DIAPH3: variants seen among roughly 807,000 people sequenced by gnomAD.
DIAPH3 encodes diaphanous related formin 3.
In DIAPH3, 117 loss-of-function variants were observed where a neutral mutation model predicts 144.3. That is an observed-to-expected ratio of 0.81 (90% CI 0.70 to 0.95). DIAPH3 has a LOEUF of 0.95. Among genes scored for constraint, DIAPH3 ranks in the 40% least tolerant of loss-of-function variants. DIAPH3 has a pLI of 0.00. For synonymous variants in DIAPH3, 519 were observed against 488.9 expected (o/e 1.06, Z -0.81); for missense variants, 1,421 against 1,412.7 (o/e 1.01, Z -0.09).
chr13:59,680,943 T>C (rs1436525012), intron 27 of DIAPH3, among the ~76,000 whole-genome samples: 1 of 152,186 alleles, frequency 6.6e-6, no homozygotes, highest in Non-Finnish European at 1.5e-5. Context: ...ACGGAAGCAA[T>C]GTGTTCTGTA....
chr13:60,003,114 G>A (rs1299421740), intron 9 of DIAPH3, among the ~76,000 whole-genome samples: 6 of 152,126 alleles, frequency 3.9e-5, no homozygotes, highest in Non-Finnish European at 7.4e-5. Flanking sequence ...AACTGTGGCA[G>A]AAGGCTGTCT....
At chr13:59,851,165 A>C (rs1407210680) in intron 22 of DIAPH3, among the ~76,000 whole-genome samples, 1 of 152,126 alleles carries the variant, frequency 6.6e-6, no homozygotes, top group African/African-American at 2.4e-5. Context: ...GCACATCAAA[A>C]AGCTTATCCA....
chr13:59,773,124 T>C (rs2038209926), intron 27 of DIAPH3, among the ~76,000 whole-genome samples: 1 of 152,180 alleles, frequency 6.6e-6, no homozygotes, highest in Non-Finnish European at 1.5e-5. Context: ...CTCTTTTTAT[T>C]TGTATTGTTA....
At chr13:60,094,808 T>A (rs78740228) in intron 3 of DIAPH3, among the ~76,000 whole-genome samples, 5,576 of 152,296 alleles carry the variant, frequency 0.037, 136 homozygotes, top group East Asian at 0.075. Context: ...TCATTTTACC[T>A]TGATAGAAAT....
rs2067115913 is a variant in DIAPH3, at chr13:59,900,390, T to C, written c.2367+11345A>G. Among the ~76,000 whole-genome samples, 3 of 152,200 alleles carry C rather than the reference T, an allele frequency of 2.0e-5. No homozygotes were observed. The South Asian group carries it at 6.2e-4, about 31-fold the overall frequency. On this transcript the variant is annotated intron_variant, in intron 20 of 27. Coordinates refer to ENST00000400324, the MANE Select transcript of DIAPH3 (RefSeq NM_001042517.2). ...ACGTTGTCATGGCCACTAGCTTCTT[T>C]CTAAATGTCCCTGATGAATTATATA...
intron 17 of DIAPH3, among the ~76,000 whole-genome samples, chr13:59,932,550 A>T (rs1250858975): frequency 6.6e-6 from 1 of 152,186 alleles, no homozygotes; most frequent in Non-Finnish European, 1.5e-5. Context: ...AAAAAAAACA[A>T]ATACAAGCAA....
chr13:59,739,198 T>C (rs2036313705), intron 27 of DIAPH3, among the ~76,000 whole-genome samples: 1 of 152,192 alleles, frequency 6.6e-6, no homozygotes. Flanking sequence ...GTTAAGAATG[T>C]GATCCTTTAG....
intron 20 of DIAPH3, among the ~76,000 whole-genome samples, chr13:59,899,361 T>A (rs1414583322): frequency 6.6e-6 from 1 of 152,174 alleles, no homozygotes; most frequent in Non-Finnish European, 1.5e-5. Flanking sequence ...CAACTGATTA[T>A]GCAATTTCAA....
intron 27 of DIAPH3, among the ~76,000 whole-genome samples, chr13:59,688,109 TA>T (rs1182058198): frequency 1.3e-5 from 2 of 152,040 alleles, no homozygotes; most frequent in African/African-American, 4.8e-5. Context: ...CATGAGAGAT[TA>T]AAAGAAGAAG....
intron 9 of DIAPH3, among the ~76,000 whole-genome samples, chr13:59,996,170 G>T (rs1308908815): frequency 6.6e-6 from 1 of 152,022 alleles, no homozygotes; most frequent in African/African-American, 2.4e-5. Context: ...TCTACAAAGG[G>T]ATAGAGTTAC....
chr13:59,886,014 C>T (rs540195884), intron 20 of DIAPH3, among the ~76,000 whole-genome samples: 4 of 152,142 alleles, frequency 2.6e-5, no homozygotes, highest in Non-Finnish European at 5.9e-5. Context: ...TTAATACTTT[C>T]GTATGAGTGT....
At position 60,112,194 on chromosome 13, in the gene DIAPH3, G is replaced by C. The variant is rs201265889; in HGVS notation, c.214-8C>G. On this transcript the variant is annotated splice_region_variant and splice_polypyrimidine_tract_variant and intron_variant, in intron 2 of 27. Coordinates refer to ENST00000400324, the MANE Select transcript of DIAPH3 (RefSeq NM_001042517.2). ...GCTGGCAAATTTGTCCAGCTACAAA[G>C]AAAGACAGAATGACACACGTGTAAG... 2,442 of 1,613,670 alleles carry C rather than the reference G, an allele frequency of 1.5e-3. 6 individuals are homozygous for C. The highest frequency in any genetic ancestry group is 2.2e-3 in the Admixed American group (135 of 60,018).
chr13:59,742,208 G>A (rs541671595), intron 27 of DIAPH3, among the ~76,000 whole-genome samples: 28 of 152,200 alleles, frequency 1.8e-4, no homozygotes, highest in Non-Finnish European at 7.4e-5. Flanking sequence ...CCCTAGACAC[G>A]TGGGGATTAT....
intron 22 of DIAPH3, among the ~76,000 whole-genome samples, chr13:59,860,646 G>A (rs2043522780): frequency 6.6e-6 from 1 of 152,026 alleles, no homozygotes; most frequent in Non-Finnish European, 1.5e-5. Context: ...GCTGAGGCAG[G>A]AGAATGGCAT....
intron 5 of DIAPH3, 121 bp from the exon 6 acceptor site, chr13:60,016,266 A>T (rs2053642440): frequency 1.0e-5 from 9 of 876,040 alleles, no homozygotes; most frequent in South Asian, 7.7e-5. Context: ...CATAAGAATA[A>T]CACCATATAT....
At chr13:59,667,613 TA>T (rs776086573) in intron 27 of DIAPH3, among the ~76,000 whole-genome samples, 5 of 152,256 alleles carry the variant, frequency 3.3e-5, no homozygotes, top group Non-Finnish European at 5.9e-5. Flanking sequence ...ACCAGAATGT[TA>T]TATGTAATTG....
chr13:59,864,388 T>C (rs1555319870), intron 21 of DIAPH3, among the ~76,000 whole-genome samples: 1 of 152,046 alleles, frequency 6.6e-6, no homozygotes, highest in Non-Finnish European at 1.5e-5. Flanking sequence ...CAATGACTAC[T>C]TGGGGAACAC....
In DIAPH3 at chr13:59,828,721, T is replaced by C. The variant is rs151044334; in HGVS notation, c.3027+4386A>G. 4.0e-4 allele frequency among the ~76,000 whole-genome samples: 60 copies of C among 151,048 alleles called. No homozygotes were observed. In the East Asian group the frequency reaches 0.011, roughly 28 times the overall value. The stretch of plus-strand genomic sequence containing the variant: ...TCTAGTAAGAAGTAACTTCAAACCA[T>C]GACAGTTGTTTTGGTTTTGTTCTGT... On this transcript the variant is annotated intron_variant, in intron 24 of 27. Coordinates refer to ENST00000400324, the MANE Select transcript of DIAPH3 (RefSeq NM_001042517.2).
chr13:59,774,779 G>A lies in DIAPH3; in HGVS notation c.3208C>T (p.Gln1070Ter), dbSNP rs757495408. The change falls in exon 26 of 28, where the codon CAG becomes TAG. Residue 1070 changes from glutamine (Q) to a stop codon, truncating the protein, a stop_gained. Transcript: ENST00000400324. LOFTEE classifies it high-confidence loss of function. ...CTGTCGCGGAAGGCAGCCCCGGACT[G>A]CAAGGCCTCCAGCAGATTATCCATC... is the stretch of plus-strand genomic sequence containing the variant. ...GVMDNLLEAL[Q>*]SGAAFRDRRK... is the part of the protein sequence containing the mutation. 1.9e-6 allele frequency: 3 copies of A among 1,613,894 alleles called. No individual in the cohort carries two copies. The East Asian group carries it at 6.7e-5, about 36-fold the overall frequency.
Sources: gnomAD v4.1 joint callset for allele counts (sites outside exome capture counted in the v4.1 genomes callset) on GRCh38, gnomAD v4.1.1 for gene constraint, MANE v1.5 for transcripts, NCBI Gene and HGNC (gene_info 2026-07-23, HGNC 2026-07-21) for gene names.